Variants in CACNA1E observed in about 807,000 individuals in gnomAD.
CACNA1E encodes calcium voltage-gated channel subunit alpha1 E.
A neutral mutation model predicts 259.2 loss-of-function variants in CACNA1E; 40 were observed. The observed-to-expected ratio is 0.15, with a 90% CI of 0.12 to 0.20. The LOEUF (loss-of-function observed/expected upper bound fraction) is 0.20, where lower values mean the gene tolerates loss of function less well. CACNA1E is among the 10% of genes least tolerant of loss of function. The pLI is 1.00. For synonymous variants in CACNA1E, 1,104 were observed against 1,138.5 expected (o/e 0.97, Z 0.61); for missense variants, 1,874 against 3,040.1 (o/e 0.62, Z 9.02).
rs1662464892 is a variant in CACNA1E, at chr1:181,804,081, C to A, written c.*5247C>A. 6.6e-6 allele frequency: 1 copy of A among 152,102 alleles called. No homozygotes were observed. The highest frequency in any genetic ancestry group is 6.5e-5 in the Admixed American group (1 of 15,268). The allele number at this position is 152,102 out of a possible 1,614,324, so 9.4% of individuals were successfully genotyped here. ...CCTGTAAATACATTATTGAGGTTTG[C>A]ATTTTTATTTTTGGAGGTATGAAAG... On this transcript the variant is annotated 3_prime_UTR_variant, in exon 48 of 48. Coordinates refer to ENST00000367573, the MANE Select transcript of CACNA1E (RefSeq NM_001205293.3).
At chr1:181,553,407 G>A (rs1272612002) in intron 3 of CACNA1E, among the ~76,000 whole-genome samples, 5 of 152,168 alleles carry the variant, frequency 3.3e-5, no homozygotes, top group African/African-American at 4.8e-5. Context: ...TTTGGGCTGC[G>A]ATGATGGGGT....
intron 7 of CACNA1E, among the ~76,000 whole-genome samples, chr1:181,696,884 GT>G (rs896110803): frequency 1.3e-5 from 2 of 152,192 alleles, no homozygotes; most frequent in African/African-American, 4.8e-5. Flanking sequence ...GACAACTAGT[GT>G]TTTTCATAGG....
intron 2 of CACNA1E, among the ~76,000 whole-genome samples, chr1:181,474,054 T>C (rs1433683814): frequency 6.6e-6 from 1 of 152,192 alleles, no homozygotes; most frequent in African/African-American, 2.4e-5. Context: ...CTTTTCTTTG[T>C]AATTATTCTT....
chr1:181,703,353 A>G (rs1457522394), intron 7 of CACNA1E, among the ~76,000 whole-genome samples: 1 of 152,202 alleles, frequency 6.6e-6, no homozygotes, highest in Non-Finnish European at 1.5e-5. Context: ...AATTTTATGA[A>G]TGAGGAAACT....
intron 15 of CACNA1E, 122 bp from the exon 16 acceptor site, chr1:181,721,636 G>T: frequency 3.8e-6 from 2 of 531,530 alleles, no homozygotes; most frequent in South Asian, 3.6e-5. Context: ...TTAACTCCCT[G>T]GCAAGATTGT....
At chr1:181,653,929 A>G (rs1039160855) in intron 7 of CACNA1E, among the ~76,000 whole-genome samples, 5 of 152,262 alleles carry the variant, frequency 3.3e-5, no homozygotes, top group African/African-American at 7.2e-5. Context: ...AGAGTTGCCA[A>G]TGAGGCTTTT....
chr1:181,389,214 T>C (rs578247599), intron 1 of CACNA1E, among the ~76,000 whole-genome samples: 1 of 152,292 alleles, frequency 6.6e-6, no homozygotes, highest in Admixed American at 6.5e-5. Context: ...TTAGGAACAC[T>C]AGACAGCACT....
At chr1:181,500,694 T>C (rs962472912) in intron 1 of CACNA1E, among the ~76,000 whole-genome samples, 2 of 152,212 alleles carry the variant, frequency 1.3e-5, no homozygotes, top group African/African-American at 4.8e-5. Context: ...AAAGCAGCTG[T>C]GATGTATTTC....
At chr1:181,477,348 A>G (rs1363854943) in intron 2 of CACNA1E, among the ~76,000 whole-genome samples, 1 of 152,102 alleles carries the variant, frequency 6.6e-6, no homozygotes, top group Non-Finnish European at 1.5e-5. Flanking sequence ...CTTGTATTCG[A>G]GCCCTTTGTG....
upstream of CACNA1E, among the ~76,000 whole-genome samples, chr1:181,479,207 G>A (rs752193952): frequency 1.3e-5 from 2 of 152,176 alleles, no homozygotes; most frequent in Non-Finnish European, 2.9e-5. Context: ...GTGAAATTTA[G>A]TACCTCAACA....
intron 6 of CACNA1E, among the ~76,000 whole-genome samples, chr1:181,609,956 G>C (rs1654591355): frequency 2.0e-5 from 3 of 152,184 alleles, no homozygotes. Context: ...GTATTGCCAG[G>C]ACAGAGCACA....
chr1:181,785,110 C>T (rs1248635172), intron 41 of CACNA1E, among the ~76,000 whole-genome samples: 1 of 152,118 alleles, frequency 6.6e-6, no homozygotes, highest in Non-Finnish European at 1.5e-5. Context: ...ACTAGGTGGG[C>T]ATGCAAGCCC....
chr1:181,486,465 T>C (rs1269173878), intron 1 of CACNA1E, among the ~76,000 whole-genome samples: 5 of 152,228 alleles, frequency 3.3e-5, no homozygotes, highest in Non-Finnish European at 7.3e-5. Context: ...CGCACCTAAA[T>C]TCCTAGTCTC....
At chr1:181,606,598 T>G (rs1470528939) in intron 6 of CACNA1E, among the ~76,000 whole-genome samples, 1 of 152,242 alleles carries the variant, frequency 6.6e-6, no homozygotes, top group East Asian at 1.9e-4. Flanking sequence ...GCCAGAAGGA[T>G]TTTTAAACAA....
Position 181,804,743 on chromosome 1 carries a change from C to A in CACNA1E, c.*5909C>A, listed in dbSNP as rs1437099709. The A allele has an allele frequency of 1.3e-5, 2 of 152,026 alleles. No homozygotes were observed. Among genetic ancestry groups the A allele is most frequent in the Non-Finnish European group, 2.9e-5 (2 of 67,998 alleles). 9.4% of individuals were successfully genotyped at this position (152,026 alleles called of 1,614,324 possible). ...TTTAAAGCACTTAGTCTCCACAAAGCAATTTAGAAAAATCTTCACTTGTTA... is the reference window on the plus strand; with the variant it reads ...TTTAAAGCACTTAGTCTCCACAAAGAAATTTAGAAAAATCTTCACTTGTTA... On this transcript the variant is annotated 3_prime_UTR_variant, in exon 48 of 48. Transcript: ENST00000367573.
At position 181,804,193 on chromosome 1, in the gene CACNA1E, T is replaced by C. The variant is rs147983932; in HGVS notation, c.*5359T>C. 13 of 152,312 alleles carry C rather than the reference T, an allele frequency of 8.5e-5. No individual in the cohort carries two copies. Among genetic ancestry groups the C allele is most frequent in the African/African-American group, 3.1e-4 (13 of 41,560 alleles). The allele number at this position is 152,312 out of a possible 1,614,324, so 9.4% of individuals were successfully genotyped here. On this transcript the variant is annotated 3_prime_UTR_variant, in exon 48 of 48. Transcript: ENST00000367573. ...TTGTTTGGTTGGTGGCTGGGTTTCT[T>C]GTAACAGACCTATTCTGGAATAGCA... is the stretch of plus-strand genomic sequence containing the variant.
At chr1:181,418,848 G>T (rs895431334) in intron 2 of CACNA1E, among the ~76,000 whole-genome samples, 3 of 150,060 alleles carry the variant, frequency 2.0e-5, no homozygotes, top group Non-Finnish European at 4.4e-5. Flanking sequence ...TTCCACACAC[G>T]TATATGATAC....
rs1190383175 is a variant in CACNA1E at position 181,776,395 on chromosome 1, C to T, written c.5267+167C>T. On this transcript the variant is annotated intron_variant, in intron 38 of 47. Coordinates refer to ENST00000367573, the MANE Select transcript of CACNA1E (RefSeq NM_001205293.3). This position sits in a 1 kb window ranked among gnomAD's most constrained non-coding sequence, Gnocchi z 4.4. Reference sequence around the variant, plus strand: ...AGAGGCTCTGGTATCAAGCCAGTCACCAAGGACTTCTGTATCCTCCTTTCC... The same window carrying T: ...AGAGGCTCTGGTATCAAGCCAGTCATCAAGGACTTCTGTATCCTCCTTTCC... 1.6e-6 allele frequency: 1 copy of T among 643,590 alleles called. No individual in the cohort carries two copies. The highest frequency in any genetic ancestry group is 1.8e-5 in the African/African-American group (1 of 54,908). 39.9% of individuals were successfully genotyped at this position (643,590 alleles called of 1,614,324 possible). A position where few individuals can be genotyped will look rare whatever the true frequency, so the allele number is the denominator to read the frequency against.
chr1:181,685,326 T>C (rs559994250), intron 7 of CACNA1E, among the ~76,000 whole-genome samples: 1 of 150,982 alleles, frequency 6.6e-6, no homozygotes, highest in South Asian at 2.1e-4. Flanking sequence ...TGCAACCATA[T>C]ATATTATACC....
Sources: allele counts gnomAD v4.1 joint callset (sites outside exome capture counted in the v4.1 genomes callset), GRCh38; gene constraint gnomAD v4.1.1; non-coding constraint Gnocchi (gnomAD v3.1); transcripts MANE v1.5; gene names NCBI Gene and HGNC (gene_info 2026-07-23, HGNC 2026-07-21).